The following TIAM1 variants were observed in gnomAD, a reference collection of about 807,000 sequenced individuals.
TIAM1 encodes rho guanine nucleotide exchange factor TIAM1.
TIAM1 carries 65 observed loss-of-function variants against 163.5 expected under a neutral mutation model. That is an observed-to-expected ratio of 0.40 (90% CI 0.33 to 0.49). The LOEUF is 0.49. Among genes scored for constraint, TIAM1 ranks in the 20% least tolerant of loss-of-function variants. The pLI is 0.77. For synonymous variants in TIAM1, 833 were observed against 810.1 expected (o/e 1.03, Z -0.48); for missense variants, 1,789 against 2,044.7 (o/e 0.87, Z 2.41).
At chr21:31,294,115 C>T (rs989176098) in intron 2 of TIAM1, among the ~76,000 whole-genome samples, 2 of 152,130 alleles carry the variant, frequency 1.3e-5, no homozygotes, top group Admixed American at 6.5e-5. Flanking sequence ...CCCAGCAAGT[C>T]CTCAATTCCA....
intron 2 of TIAM1, among the ~76,000 whole-genome samples, chr21:31,393,516 C>A (rs924865342): frequency 3.9e-5 from 6 of 152,238 alleles, no homozygotes; most frequent in African/African-American, 1.4e-4. Context: ...GCAGTCACAT[C>A]GAGCCTTATA....
chr21:31,487,457 G>A (rs982705509), intron 1 of TIAM1, among the ~76,000 whole-genome samples: 7 of 151,704 alleles, frequency 4.6e-5, no homozygotes, highest in African/African-American at 1.2e-4. Context: ...CATAACCTCC[G>A]CCTCCTGGGT....
chr21:31,288,540 T>C (rs977886619), intron 2 of TIAM1, among the ~76,000 whole-genome samples: 5 of 152,128 alleles, frequency 3.3e-5, no homozygotes, highest in Admixed American at 2.6e-4. Context: ...CATGACCTAA[T>C]CACGTCCTAA....
At chr21:31,427,239 C>A (rs1299770708) in intron 2 of TIAM1, among the ~76,000 whole-genome samples, 1 of 152,210 alleles carries the variant, frequency 6.6e-6, no homozygotes, top group African/African-American at 2.4e-5. Context: ...GTAATCCCAG[C>A]ACTTTGGGAG....
chr21:31,399,283 TCTCTTTAA>T (rs575007639), intron 2 of TIAM1, among the ~76,000 whole-genome samples: 2 of 152,150 alleles, frequency 1.3e-5, no homozygotes, highest in Non-Finnish European at 2.9e-5. Flanking sequence ...GGATAAGTTC[TCTCTTTAA>T]AATTTATATG....
At position 31,211,048 on chromosome 21, in the gene TIAM1, C is replaced by G. The variant is rs1186063289; in HGVS notation, c.2218-833G>C. Among the ~76,000 whole-genome samples the G allele has an allele frequency of 2.0e-5, 3 of 151,940 alleles. No homozygotes were observed. The East Asian group carries it at 5.8e-4, about 29-fold the overall frequency. On this transcript the variant is annotated intron_variant, in intron 10 of 27. Coordinates refer to ENST00000541036, the MANE Select transcript of TIAM1 (RefSeq NM_001353694.2). ...GCTCTCCTTGGACCTTCAGCACGAC[C>G]CGGCGCCAGAGACAATTCAGTTTTC... is the stretch of plus-strand genomic sequence containing the variant.
In TIAM1 at chr21:31,135,650, CA is replaced by C. The variant is rs111656838; in HGVS notation, c.3883+282del. 1.4e-3 allele frequency among the ~76,000 whole-genome samples: 207 copies of C among 143,778 alleles called. 1 individual carries two copies. The highest frequency in any genetic ancestry group is 4.5e-3 in the East Asian group (22 of 4,920). The allele number at this position is 143,778 out of a possible 152,430, so 94.3% of individuals were successfully genotyped here. A position where few individuals can be genotyped will look rare whatever the true frequency, so the allele number is the denominator to read the frequency against. ...TTGAAAAGACACGCAGAGCAGCAGC[CA>C]AAAAAAAAAAAATTCTTTTCCTGCC... is the stretch of plus-strand genomic sequence containing the variant. On this transcript the variant is annotated intron_variant, in intron 23 of 27. Transcript: ENST00000541036.
At chr21:31,552,587 A>C (rs1057014238) in intron 1 of TIAM1, among the ~76,000 whole-genome samples, 47 of 152,230 alleles carry the variant, frequency 3.1e-4, no homozygotes, top group African/African-American at 1.1e-3. Context: ...CAGCCTGGTC[A>C]ACATGGTGAA....
At chr21:31,213,896 A>G (rs1175437336) in intron 9 of TIAM1, among the ~76,000 whole-genome samples, 1 of 151,410 alleles carries the variant, frequency 6.6e-6, no homozygotes, top group Non-Finnish European at 1.5e-5. Flanking sequence ...GAATTACATT[A>G]AATTAGCCAG....
chr21:31,255,761 A>G (rs1212256851), intron 4 of TIAM1, among the ~76,000 whole-genome samples: 2 of 152,238 alleles, frequency 1.3e-5, no homozygotes, highest in Non-Finnish European at 2.9e-5. Context: ...AATTCTAAAC[A>G]TGGTTCATGA....
chr21:31,550,281 C>G (rs543816650), intron 1 of TIAM1, among the ~76,000 whole-genome samples: 2 of 152,086 alleles, frequency 1.3e-5, no homozygotes, highest in Admixed American at 1.3e-4. Flanking sequence ...TATACCCATA[C>G]AATGGAATAT....
At chr21:31,133,449 C>T (rs1195219692) in intron 23 of TIAM1, among the ~76,000 whole-genome samples, 5 of 152,284 alleles carry the variant, frequency 3.3e-5, no homozygotes, top group South Asian at 2.1e-4. Context: ...GCTGTGGGCC[C>T]GCCTTCCTGG....
intron 1 of TIAM1, among the ~76,000 whole-genome samples, chr21:31,520,271 T>G (rs2047536263): frequency 6.7e-6 from 1 of 149,662 alleles, no homozygotes; most frequent in Non-Finnish European, 1.5e-5. Flanking sequence ...GCGGAGGTTG[T>G]GGCGAGCTGA....
intron 4 of TIAM1, among the ~76,000 whole-genome samples, chr21:31,252,615 C>T (rs1445014038): frequency 2.6e-5 from 4 of 152,060 alleles, no homozygotes; most frequent in Non-Finnish European, 5.9e-5. Flanking sequence ...TTGTTCCAGA[C>T]GTAGGGGGTG....
At chr21:31,198,604 C>A (rs2086008990) in intron 12 of TIAM1, among the ~76,000 whole-genome samples, 1 of 152,174 alleles carries the variant, frequency 6.6e-6, no homozygotes, top group South Asian at 2.1e-4. Flanking sequence ...GAAATGTTAT[C>A]AACTACGTTC....
At chr21:31,516,671 TA>T (rs375716984) in intron 1 of TIAM1, among the ~76,000 whole-genome samples, 516 of 122,098 alleles carry the variant, frequency 4.2e-3, no homozygotes, top group Admixed American at 4.5e-3. Flanking sequence ...GGACTTACCC[TA>T]AAAAAAAAAA....
intron 2 of TIAM1, among the ~76,000 whole-genome samples, chr21:31,338,422 C>T (rs573096169): frequency 6.6e-6 from 1 of 152,300 alleles, no homozygotes; most frequent in Admixed American, 6.5e-5. Flanking sequence ...CTAACAAGGT[C>T]GAGGTGCGTT....
In TIAM1 at chr21:31,119,099, CCTTT is replaced by C. The variant is rs2081908400; in HGVS notation, c.*1265_*1268del. The C allele has an allele frequency of 7.4e-6, 1 of 134,236 alleles. No individual in the cohort carries two copies. The highest frequency in any genetic ancestry group is 7.0e-5 in the Admixed American group (1 of 14,292). 8.3% of individuals were successfully genotyped at this position (134,236 alleles called of 1,614,324 possible). ...ACATGGGAAAAGAAAAAGCTATAAA[CCTTT>C]TTTTAAAAAAAAAAAAAAAATTGAA... is the stretch of plus-strand genomic sequence containing the variant. On this transcript the variant is annotated 3_prime_UTR_variant, in exon 28 of 28. Transcript: ENST00000541036.
At chr21:31,463,215 C>G (rs986910132) in intron 2 of TIAM1, among the ~76,000 whole-genome samples, 4 of 152,210 alleles carry the variant, frequency 2.6e-5, no homozygotes, top group Non-Finnish European at 5.9e-5. Flanking sequence ...TGAACTCTTA[C>G]CTGCCGAAGG....
Sources: allele counts gnomAD v4.1 joint callset (sites outside exome capture counted in the v4.1 genomes callset), GRCh38; gene constraint gnomAD v4.1.1; transcripts MANE v1.5; gene names NCBI Gene and HGNC (gene_info 2026-07-23, HGNC 2026-07-21).